Variants in ZNF534 observed in about 807,000 individuals in gnomAD.
The protein encoded by ZNF534 is zinc finger protein 534.
ZNF534 carries 19 observed loss-of-function variants against 13.6 expected under a neutral mutation model. That is an observed-to-expected ratio of 1.40 (90% CI 0.97 to 2.05). ZNF534 has a LOEUF of 2.05. Among genes scored for constraint, ZNF534 ranks in the 30% most tolerant of loss-of-function variants. The pLI is 0.00. For missense variants in ZNF534, 782 were observed against 796.3 expected, an observed-to-expected ratio of 0.98 and a Z score of 0.22; for synonymous variants, 244 against 273.8, an observed-to-expected ratio of 0.89 and a Z score of 1.07.
chr19:52,432,851 C>T (rs904057189), intron 2 of ZNF534, among the ~76,000 whole-genome samples: 17 of 152,092 alleles, frequency 1.1e-4, no homozygotes, highest in African/African-American at 1.9e-4. Flanking sequence ...AGTCTGGTCT[C>T]GAACTCCTTA....
Position 52,438,306 on chromosome 19 carries a change from T to C in ZNF534, c.846T>C (p.His282=), listed in dbSNP as rs763370319. The change falls in exon 5 of 5, where the codon CAT becomes CAC. Residue 282 remains histidine, a synonymous_variant. Transcript: ENST00000433050. The part of the protein sequence containing the change: ...NKECGKVFSH[H]AYLAQHRKIH... ...AATGTGGGAAAGTCTTTAGTCACCA[T>C]GCCTACCTTGCACAGCATAGGAAAA... 91 of 1,606,008 alleles carry C rather than the reference T, an allele frequency of 5.7e-5. No individual in the cohort carries two copies. Among genetic ancestry groups the C allele is most frequent in the Non-Finnish European group, 7.7e-5 (90 of 1,173,782 alleles).
chr19:52,432,279 T>C (rs916448498), intron 2 of ZNF534, among the ~76,000 whole-genome samples: 1 of 152,148 alleles, frequency 6.6e-6, no homozygotes, highest in Non-Finnish European at 1.5e-5. Context: ...TTTTTAATCC[T>C]TGAAGTTGTT....
chr19:52,446,353 T>C (rs781317773), downstream of ZNF534, among the ~76,000 whole-genome samples: 3 of 152,180 alleles, frequency 2.0e-5, no homozygotes, highest in Non-Finnish European at 2.9e-5. Flanking sequence ...GTGCCACTAT[T>C]ACCATGGAAA....
intron 4 of ZNF534, 35 bp from the exon 5 acceptor site, chr19:52,437,697 C>T (rs751298368): frequency 4.0e-6 from 6 of 1,514,980 alleles, no homozygotes; most frequent in African/African-American, 1.4e-5. Flanking sequence ...ATGCCAGAAT[C>T]GGGATTAAGT....
intron 2 of ZNF534, among the ~76,000 whole-genome samples, chr19:52,433,349 AAACC>A (rs1249227930): frequency 1.5e-5 from 2 of 136,472 alleles, no homozygotes; most frequent in African/African-American, 5.4e-5. Context: ...GTCAAAAATA[AAACC>A]TAACATTTCT....
intron 2 of ZNF534, 122 bp from the exon 3 acceptor site, chr19:52,433,830 CCTT>C (rs2122667867): frequency 9.6e-7 from 1 of 1,040,430 alleles, no homozygotes; most frequent in East Asian, 2.5e-5. Flanking sequence ...GCTCAAGAAT[CCTT>C]TAATGTGGAT....
intron 4 of ZNF534, among the ~76,000 whole-genome samples, chr19:52,447,817 A>G (rs1208643810): frequency 4.0e-5 from 6 of 151,746 alleles, no homozygotes; most frequent in Non-Finnish European, 7.4e-5. Context: ...TATATTGTTG[A>G]TTTCTATTGC....
chr19:52,438,021 A>T lies in ZNF534; in HGVS notation c.561A>T (p.Gly187=). The change falls in exon 5 of 5, where the codon GGA becomes GGT. Residue 187 remains glycine (G), a synonymous_variant. Coordinates refer to ENST00000433050, the MANE Select transcript of ZNF534 (RefSeq NM_001143938.3). ...TACACATTAGGGAAAAGCCTTATGG[A>T]TGTAATGAGCATGGGAAAGTCTTCA... The part of the protein sequence containing the change: ...QKVHIREKPY[G]CNEHGKVFRV... 6.2e-7 allele frequency: 1 copy of T among 1,614,166 alleles called. No homozygotes were observed. Among genetic ancestry groups the T allele is most frequent in the Non-Finnish European group, 8.5e-7 (1 of 1,180,040 alleles).
chr19:52,451,901 C>A, exon 5 of ZNF534: 4 of 575,482 alleles, frequency 7.0e-6, no homozygotes, highest in Non-Finnish European at 1.3e-5. Context: ...TGGATGACAC[C>A]AAAAGGGGAT....
At position 52,440,119 on chromosome 19, in the gene ZNF534, G is replaced by A. The variant is rs2059162971; in HGVS notation, c.*673G>A. On this transcript the variant is annotated 3_prime_UTR_variant, in exon 5 of 5. Coordinates refer to ENST00000433050, the MANE Select transcript of ZNF534 (RefSeq NM_001143938.3). ...AAGCCTCACAAAAGTAATAAATATG[G>A]CAAAGAATTTCATATGAAATCATGC... Among the ~76,000 whole-genome samples the A allele has an allele frequency of 6.6e-6, 1 of 152,124 alleles. No individual in the cohort carries two copies. The highest frequency in any genetic ancestry group is 6.6e-5 in the Admixed American group (1 of 15,260).
exon 5 of ZNF534, chr19:52,451,663 A>G: frequency 3.0e-6 from 2 of 657,084 alleles, no homozygotes; most frequent in Non-Finnish European, 5.4e-6. Flanking sequence ...ACATTCAGAC[A>G]GCGCTTCCTT....
rs143829758 is a variant in ZNF534 at position 52,442,068 on chromosome 19, C to T, written c.*2622C>T. Among the ~76,000 whole-genome samples, 91 of 151,982 alleles carry T rather than the reference C, an allele frequency of 6.0e-4. 2 individuals carry two copies. The South Asian group carries it at 6.7e-3, about 11-fold the overall frequency. On this transcript the variant is annotated 3_prime_UTR_variant, in exon 5 of 5. Coordinates refer to ENST00000433050, the MANE Select transcript of ZNF534 (RefSeq NM_001143938.3). ...AATCAAAATATACTTTTGGATAAAA[C>T]GACACAGATGGATTGTATATGCTGA...
chr19:52,433,591 C>T (rs1353121779), intron 2 of ZNF534, among the ~76,000 whole-genome samples: 2 of 152,222 alleles, frequency 1.3e-5, no homozygotes, highest in Non-Finnish European at 2.9e-5. Context: ...TGGTCTTGAT[C>T]TCCTGACCTC....
Position 52,441,147 on chromosome 19 carries a change from A to G in ZNF534, c.*1701A>G, listed in dbSNP as rs999098498. On this transcript the variant is annotated 3_prime_UTR_variant, in exon 5 of 5. Coordinates refer to ENST00000433050, the MANE Select transcript of ZNF534 (RefSeq NM_001143938.3). ...TCTCGATCTCCTGACCTTGTGATCC[A>G]TCTGCCTTGGCCTCCCAAAGTGCTG... Among the ~76,000 whole-genome samples the G allele has an allele frequency of 6.6e-6, 1 of 152,168 alleles. No individual in the cohort carries two copies. The highest frequency in any genetic ancestry group is 2.4e-5 in the African/African-American group (1 of 41,444).
chr19:52,442,644 CTT>C (rs1230123688), downstream of ZNF534, among the ~76,000 whole-genome samples: 2 of 152,166 alleles, frequency 1.3e-5, no homozygotes, highest in African/African-American at 4.8e-5. Context: ...CTACTTTCCT[CTT>C]TATAACTTTC....
At chr19:52,430,549 C>CT (rs1390142460) in intron 1 of ZNF534, among the ~76,000 whole-genome samples, 2,402 of 145,922 alleles carry the variant, frequency 0.016, 76 homozygotes, top group African/African-American at 0.06. Context: ...GAGGTCTGTG[C>CT]TTTTTTTTTG....
downstream of ZNF534, among the ~76,000 whole-genome samples, chr19:52,444,969 C>T (rs1365012367): frequency 6.6e-6 from 1 of 152,106 alleles, no homozygotes; most frequent in East Asian, 1.9e-4. Context: ...TGCCTCCCAG[C>T]CTGTGGAGTC....
chr19:52,431,428 T>A lies in ZNF534; in HGVS notation c.-47T>A. Reference sequence around the variant, plus strand: ...ACTAGGATTCACTTTCAAAGAGACATATTATGCAAGGAAGCAACTCGGAAG... The same window carrying A: ...ACTAGGATTCACTTTCAAAGAGACAAATTATGCAAGGAAGCAACTCGGAAG... On this transcript the variant is annotated 5_prime_UTR_variant, in exon 2 of 5. Coordinates refer to ENST00000433050, the MANE Select transcript of ZNF534 (RefSeq NM_001143938.3). 6.2e-7 allele frequency: 1 copy of A among 1,613,020 alleles called. No individual in the cohort carries two copies. The highest frequency in any genetic ancestry group is 8.5e-7 in the Non-Finnish European group (1 of 1,179,164).
chr19:52,442,868 A>T (rs1273290173), downstream of ZNF534, among the ~76,000 whole-genome samples: 2 of 152,256 alleles, frequency 1.3e-5, no homozygotes, highest in East Asian at 3.8e-4. Flanking sequence ...AGAGAATAAC[A>T]TAAAATGATG....
Sources: allele counts gnomAD v4.1 joint callset (sites outside exome capture counted in the v4.1 genomes callset), GRCh38; gene constraint gnomAD v4.1.1; transcripts MANE v1.5; gene names NCBI Gene and HGNC (gene_info 2026-07-23, HGNC 2026-07-21).